Variants in CYTH3 observed in about 807,000 individuals in gnomAD.
The protein encoded by CYTH3 is cytohesin 3.
Under a neutral mutation model 55.1 loss-of-function variants are expected in CYTH3, and 23 were observed. The ratio of observed to expected loss-of-function variants is 0.42; its 90% CI spans 0.30 to 0.59. The LOEUF (loss-of-function observed/expected upper bound fraction) is 0.59. CYTH3 is among the 20% of genes least tolerant of loss of function. The probability of loss-of-function intolerance (pLI) is 0.20; values close to 1 mark genes in which losing one functional copy is unlikely to be tolerated. For synonymous variants in CYTH3, 249 were observed against 194.9 expected, an observed-to-expected ratio of 1.28 and a Z score of -2.31; for missense variants, 413 against 524.8, an observed-to-expected ratio of 0.79 and a Z score of 2.08.
chr7:6,187,383 G>C (rs1783681765), intron 3 of CYTH3, among the ~76,000 whole-genome samples: 1 of 152,230 alleles, frequency 6.6e-6, no homozygotes, highest in Non-Finnish European at 1.5e-5. Context: ...GACGCAGGCA[G>C]GTAATTTCTG....
intron 4 of CYTH3, among the ~76,000 whole-genome samples, chr7:6,180,642 T>C (rs1783482604): frequency 6.6e-6 from 1 of 152,266 alleles, no homozygotes; most frequent in African/African-American, 2.4e-5. Flanking sequence ...GCTGGTCATT[T>C]GTCATGGCAG....
intron 1 of CYTH3, among the ~76,000 whole-genome samples, chr7:6,267,607 T>C (rs1208189400): frequency 6.6e-6 from 1 of 152,204 alleles, no homozygotes; most frequent in East Asian, 1.9e-4. Context: ...CATTGCAACC[T>C]CTGCCTCCAG....
At chr7:6,190,332 T>C in intron 2 of CYTH3, 117 bp downstream of exon 2, 1 of 871,462 alleles carries the variant, frequency 1.1e-6, no homozygotes, top group Non-Finnish European at 1.7e-6. Context: ...TTTTTTGTTA[T>C]TTTTTGTTTT....
intron 1 of CYTH3, among the ~76,000 whole-genome samples, chr7:6,196,218 G>T (rs535088765): frequency 6.6e-6 from 1 of 152,158 alleles, no homozygotes; most frequent in African/African-American, 2.4e-5. Context: ...TAAAGAGCAC[G>T]AGTGGAATGA....
At chr7:6,181,584 C>T (rs749702287) in intron 4 of CYTH3, among the ~76,000 whole-genome samples, 3 of 152,152 alleles carry the variant, frequency 2.0e-5, no homozygotes, top group South Asian at 2.1e-4. Context: ...TTACTTGACA[C>T]GTCTATGTGT....
At chr7:6,165,460 G>A (rs548913253) in intron 11 of CYTH3, 33 bp from the exon 12 acceptor site, 10 of 1,609,420 alleles carry the variant, frequency 6.2e-6, no homozygotes, top group South Asian at 3.3e-5. Flanking sequence ...AGGCGGTCAG[G>A]GGGGCTTGGG....
At chr7:6,247,976 A>C (rs928751614) in intron 1 of CYTH3, among the ~76,000 whole-genome samples, 4 of 150,630 alleles carry the variant, frequency 2.7e-5, no homozygotes, top group African/African-American at 9.8e-5. Flanking sequence ...TCATTTTATA[A>C]CTCTCTCTGC....
intron 4 of CYTH3, among the ~76,000 whole-genome samples, chr7:6,178,839 C>G (rs778973985): frequency 1.3e-4 from 20 of 152,238 alleles, no homozygotes; most frequent in African/African-American, 4.3e-4. Context: ...TGGCCTGAAT[C>G]AGCTGAGCAC....
rs149842091 is a variant in CYTH3 at position 6,215,169 on chromosome 7, C to T, written c.35-24638G>A. 4.0e-3 allele frequency among the ~76,000 whole-genome samples: 602 copies of T among 152,270 alleles called. 16 individuals carry two copies. Among genetic ancestry groups the T allele is most frequent in the Non-Finnish European group, 4.9e-3 (333 of 68,010 alleles). Reference sequence around the variant, plus strand: ...GCACATGAGAGTTGACAAGGAAAATCGCAGCTGAGTAACACCAGAAAGTTC... The same window carrying T: ...GCACATGAGAGTTGACAAGGAAAATTGCAGCTGAGTAACACCAGAAAGTTC... On this transcript the variant is annotated intron_variant, in intron 1 of 12. Coordinates refer to ENST00000350796, the MANE Select transcript of CYTH3 (RefSeq NM_004227.4).
chr7:6,250,907 T>C (rs550364021), intron 1 of CYTH3, among the ~76,000 whole-genome samples: 4 of 152,378 alleles, frequency 2.6e-5, no homozygotes, highest in Admixed American at 2.0e-4. Flanking sequence ...CTCGCTCCTG[T>C]AATATTTCAC....
intron 1 of CYTH3, among the ~76,000 whole-genome samples, chr7:6,192,974 C>G (rs984301813): frequency 5.3e-5 from 8 of 151,524 alleles, no homozygotes; most frequent in African/African-American, 1.9e-4. Flanking sequence ...AGTTCTGGAC[C>G]AGTCTGGCCA....
intron 1 of CYTH3, among the ~76,000 whole-genome samples, chr7:6,237,703 T>C (rs1779560395): frequency 6.6e-6 from 1 of 151,578 alleles, no homozygotes; most frequent in South Asian, 2.1e-4. Context: ...AGCAAGACTC[T>C]ATCTAAAAAA....
chr7:6,216,368 T>C (rs980315546), intron 1 of CYTH3, among the ~76,000 whole-genome samples: 3 of 152,062 alleles, frequency 2.0e-5, no homozygotes, highest in African/African-American at 4.8e-5. Flanking sequence ...TTACTTATTA[T>C]ACATACATAT....
chr7:6,252,710 G>A (rs1453546663), intron 1 of CYTH3, among the ~76,000 whole-genome samples: 1 of 152,082 alleles, frequency 6.6e-6, no homozygotes, highest in Non-Finnish European at 1.5e-5. Flanking sequence ...AGGGAGGGAA[G>A]AAGAAAAAGA....
intron 1 of CYTH3, among the ~76,000 whole-genome samples, chr7:6,194,801 C>T (rs1246602448): frequency 3.3e-5 from 5 of 152,036 alleles, no homozygotes; most frequent in Non-Finnish European, 4.4e-5. Context: ...ATGGTGAAAC[C>T]GCATCTCTAC....
At chr7:6,202,654 G>A (rs185076238) in intron 1 of CYTH3, among the ~76,000 whole-genome samples, 75 of 152,102 alleles carry the variant, frequency 4.9e-4, no homozygotes, top group Non-Finnish European at 3.1e-4. Context: ...GTAGAAAAGG[G>A]GTTTCTCCAT....
At chr7:6,191,185 C>G (rs147963284) in intron 1 of CYTH3, among the ~76,000 whole-genome samples, 1 of 151,740 alleles carries the variant, frequency 6.6e-6, no homozygotes, top group Non-Finnish European at 1.5e-5. Context: ...CGGTGGCTCA[C>G]GTCTCTAATC....
chr7:6,189,595 C>T (rs774090643), intron 2 of CYTH3, among the ~76,000 whole-genome samples: 11 of 152,000 alleles, frequency 7.2e-5, no homozygotes, highest in Admixed American at 2.0e-4. Context: ...AGGTGTGAGC[C>T]GCTGTGCCCG....
At position 6,177,849 on chromosome 7, in the gene CYTH3, G is replaced by T; in HGVS notation, c.342C>A (p.Thr114=). ...FLYKGEGLNK[T]VIGDYLGERD... ...TTTCACCCAGGTAGTCCCCAATGAC[G>T]GTCTTATTTAGGCCTTCTCCTTTAT... The change falls in exon 5 of 13, where the codon ACC becomes ACA. Residue 114 remains threonine, a synonymous_variant. Transcript: ENST00000350796. 1 of 1,613,982 alleles carries T rather than the reference G, an allele frequency of 6.2e-7. No individual in the cohort carries two copies. The highest frequency in any genetic ancestry group is 8.5e-7 in the Non-Finnish European group (1 of 1,179,892).
Sources: gnomAD v4.1 joint callset for allele counts (sites outside exome capture counted in the v4.1 genomes callset) on GRCh38, gnomAD v4.1.1 for gene constraint, MANE v1.5 for transcripts, NCBI Gene and HGNC (gene_info 2026-07-23, HGNC 2026-07-21) for gene names.